Variants in TOX2 observed in about 807,000 individuals in gnomAD.
The protein encoded by TOX2 is granulosa cell HMG box 1.
TOX2 carries 15 observed loss-of-function variants against 47.4 expected under a neutral mutation model. The ratio of observed to expected loss-of-function variants is 0.32; its 90% confidence interval spans 0.21 to 0.49. The LOEUF is 0.49. TOX2 is among the 20% of genes least tolerant of loss of function. The probability of loss-of-function intolerance (pLI) is 0.99; values close to 1 mark genes in which losing one functional copy is unlikely to be tolerated. For missense variants in TOX2, 622 were observed against 673.1 expected (o/e 0.92, Z 0.84); for synonymous variants, 290 against 296.6 (o/e 0.98, Z 0.23).
chr20:43,920,671 C>A (rs1243926994), intron 1 of TOX2, among the ~76,000 whole-genome samples: 1 of 152,154 alleles, frequency 6.6e-6, no homozygotes, highest in East Asian at 1.9e-4. Context: ...CACTGCTGCC[C>A]CCGATCTGCT....
At chr20:44,004,789 G>T (rs1044253786) in intron 2 of TOX2, among the ~76,000 whole-genome samples, 1 of 152,142 alleles carries the variant, frequency 6.6e-6, no homozygotes, top group Admixed American at 6.5e-5. Flanking sequence ...TTTAACACAC[G>T]CACTTAAACA....
At chr20:43,932,685 C>T (rs2069267927) in intron 1 of TOX2, among the ~76,000 whole-genome samples, 1 of 152,110 alleles carries the variant, frequency 6.6e-6, no homozygotes, top group African/African-American at 2.4e-5. Context: ...TCATGGACAT[C>T]CCCTCGGAGG....
At position 43,973,439 on chromosome 20, in the gene TOX2, G is replaced by A. The variant is rs758154259; in HGVS notation, c.165+7G>A. 4.3e-5 allele frequency: 69 copies of A among 1,613,914 alleles called. No individual in the cohort carries two copies. Among genetic ancestry groups the A allele is most frequent in the Non-Finnish European group, 5.6e-5 (66 of 1,179,954 alleles). ...GCTCCTGTCAACCAGCCAGGTGGGTGCCTCATCCTCCCTGAACGGGTGTCT... is the reference window on the plus strand; with the variant it reads ...GCTCCTGTCAACCAGCCAGGTGGGTACCTCATCCTCCCTGAACGGGTGTCT... On this transcript the variant is annotated splice_region_variant and intron_variant, in intron 2 of 8. Coordinates refer to ENST00000341197, the MANE Select transcript of TOX2 (RefSeq NM_001098797.2).
chr20:44,062,160 G>A (rs1341421677), intron 5 of TOX2, among the ~76,000 whole-genome samples: 2 of 152,044 alleles, frequency 1.3e-5, no homozygotes, highest in African/African-American at 4.8e-5. Context: ...AATCAGTAAA[G>A]AGGAAGTCAA....
chr20:44,009,618 G>T (rs989824043), intron 3 of TOX2, among the ~76,000 whole-genome samples: 9 of 152,174 alleles, frequency 5.9e-5, no homozygotes, highest in Non-Finnish European at 1.2e-4. Flanking sequence ...TTGAGCAGTA[G>T]GATATAAATA....
chr20:44,001,640 T>G (rs906620560), intron 2 of TOX2, among the ~76,000 whole-genome samples: 1 of 152,246 alleles, frequency 6.6e-6, no homozygotes, highest in Non-Finnish European at 1.5e-5. Flanking sequence ...CTGAAAGGAA[T>G]GGACTTGAGC....
intron 4 of TOX2, 82 bp from the exon 5 acceptor site, chr20:44,054,217 G>C: frequency 1.4e-6 from 2 of 1,441,120 alleles, no homozygotes; most frequent in Non-Finnish European, 1.9e-6. Context: ...GAGAAGTGCA[G>C]CTCGGCCCAA....
chr20:44,035,493 C>T (rs931687584), intron 3 of TOX2, among the ~76,000 whole-genome samples: 7 of 152,084 alleles, frequency 4.6e-5, no homozygotes, highest in Non-Finnish European at 8.8e-5. Flanking sequence ...GTGGGAAGGT[C>T]GCTGCACATG....
At chr20:43,989,285 G>A (rs1433491577) in intron 2 of TOX2, among the ~76,000 whole-genome samples, 1 of 152,184 alleles carries the variant, frequency 6.6e-6, no homozygotes, top group Non-Finnish European at 1.5e-5. Flanking sequence ...ATAAGCTGGT[G>A]GGGCACAGGC....
intron 2 of TOX2, among the ~76,000 whole-genome samples, chr20:43,986,820 C>A (rs765103021): frequency 1.3e-5 from 2 of 152,106 alleles, no homozygotes; most frequent in Non-Finnish European, 2.9e-5. Context: ...AATCCTAGCA[C>A]TTTGGGAGTC....
intron 2 of TOX2, among the ~76,000 whole-genome samples, chr20:43,991,194 G>T (rs551383877): frequency 6.6e-6 from 1 of 152,322 alleles, no homozygotes; most frequent in Non-Finnish European, 1.5e-5. Flanking sequence ...TTCATGAGAA[G>T]ATGCTAAGAT....
At chr20:43,945,647 C>T (rs767243324) in intron 1 of TOX2, 7 of 424,056 alleles carry the variant, frequency 1.7e-5, no homozygotes, top group Non-Finnish European at 3.1e-5. Flanking sequence ...CGTGGAGCCG[C>T]GCTGTACTTA....
At chr20:44,028,389 C>T (rs1009697530) in intron 3 of TOX2, among the ~76,000 whole-genome samples, 1 of 152,164 alleles carries the variant, frequency 6.6e-6, no homozygotes, top group Non-Finnish European at 1.5e-5. Context: ...CTATGGGGAG[C>T]TCATTGCTGG....
chr20:43,922,735 T>C (rs1029201620), intron 1 of TOX2, among the ~76,000 whole-genome samples: 1 of 152,234 alleles, frequency 6.6e-6, no homozygotes, highest in African/African-American at 2.4e-5. Context: ...GCCGTACAGT[T>C]GCTAATTCTG....
chr20:43,976,800 A>G (rs182484663), intron 2 of TOX2, among the ~76,000 whole-genome samples: 63 of 152,040 alleles, frequency 4.1e-4, no homozygotes, highest in Admixed American at 1.3e-3. Context: ...ACACACACAC[A>G]CACATACACA....
chr20:43,921,263 C>T (rs2069109945), intron 1 of TOX2, among the ~76,000 whole-genome samples: 1 of 152,186 alleles, frequency 6.6e-6, no homozygotes, highest in Admixed American at 6.5e-5. Context: ...CAGCAGTCCC[C>T]CTGCTGTGTG....
chr20:44,035,873 G>A (rs536608385), intron 3 of TOX2, among the ~76,000 whole-genome samples: 4 of 152,358 alleles, frequency 2.6e-5, no homozygotes, highest in Non-Finnish European at 5.9e-5. Context: ...AGTAAAGGAA[G>A]CAGCCTGGGG....
At chr20:43,941,434 G>A (rs893431666) in intron 1 of TOX2, among the ~76,000 whole-genome samples, 1 of 151,846 alleles carries the variant, frequency 6.6e-6, no homozygotes, top group Non-Finnish European at 1.5e-5. Context: ...CCAGGATCGA[G>A]TGATGCTCCT....
intron 1 of TOX2, among the ~76,000 whole-genome samples, chr20:43,921,301 G>A (rs956098002): frequency 6.6e-6 from 1 of 152,174 alleles, no homozygotes; most frequent in Non-Finnish European, 1.5e-5. Flanking sequence ...ATTCTGTAGG[G>A]CAATCTATTT....
Sources: allele counts gnomAD v4.1 joint callset (sites outside exome capture counted in the v4.1 genomes callset), GRCh38; gene constraint gnomAD v4.1.1; transcripts MANE v1.5; gene names NCBI Gene and HGNC (gene_info 2026-07-23, HGNC 2026-07-21).